PCNX2: variants seen among roughly 807,000 people sequenced by gnomAD.
PCNX2 encodes the protein pecanex-like protein 2.
PCNX2 carries 168 observed loss-of-function variants against 223.8 expected under a neutral mutation model. The observed-to-expected ratio is 0.75, with a 90% confidence interval of 0.66 to 0.85. PCNX2 has a LOEUF of 0.85. Ranked by LOEUF, PCNX2 falls within the 40% of genes least tolerant of loss-of-function variation. The pLI is 0.00. For synonymous variants in PCNX2, 1,006 were observed against 1,052.6 expected, an observed-to-expected ratio of 0.96 and a Z score of 0.86; for missense variants, 2,507 against 2,675.5, an observed-to-expected ratio of 0.94 and a Z score of 1.39.
At chr1:233,163,720 T>C (rs1678634035) in intron 17 of PCNX2, among the ~76,000 whole-genome samples, 1 of 152,178 alleles carries the variant, frequency 6.6e-6, no homozygotes, top group South Asian at 2.1e-4. Flanking sequence ...TAGCCTTGAC[T>C]TTCTGTCTTT....
At chr1:233,259,980 G>A (rs1434709510) in intron 4 of PCNX2, 2 of 314,420 alleles carry the variant, frequency 6.4e-6, no homozygotes, top group Non-Finnish European at 4.6e-6. Context: ...TATACAGGAG[G>A]ATGTGTGTAG....
intron 15 of PCNX2, among the ~76,000 whole-genome samples, chr1:233,189,535 T>C (rs987106088): frequency 6.6e-6 from 1 of 152,184 alleles, no homozygotes; most frequent in South Asian, 2.1e-4. Context: ...GGAATTGCAC[T>C]AGGAGGCATC....
intron 1 of PCNX2, among the ~76,000 whole-genome samples, chr1:233,269,441 A>C (rs2103008073): frequency 6.6e-6 from 1 of 152,332 alleles, no homozygotes; most frequent in African/African-American, 2.4e-5. Context: ...GAAAAAAGAA[A>C]ACGCACCCAT....
At chr1:233,232,597 T>C (rs1285477987) in intron 9 of PCNX2, among the ~76,000 whole-genome samples, 1 of 152,234 alleles carries the variant, frequency 6.6e-6, no homozygotes, top group African/African-American at 2.4e-5. Context: ...TGAATATGTA[T>C]GATGAAAAAT....
At chr1:233,092,603 G>T (rs537931233) in intron 22 of PCNX2, among the ~76,000 whole-genome samples, 1 of 152,052 alleles carries the variant, frequency 6.6e-6, no homozygotes, top group South Asian at 2.1e-4. Context: ...AGCACACTCT[G>T]GGCAAATATG....
At chr1:233,218,922 C>G (rs954896785) in intron 10 of PCNX2, among the ~76,000 whole-genome samples, 3 of 152,086 alleles carry the variant, frequency 2.0e-5, no homozygotes, top group Admixed American at 2.0e-4. Context: ...CCAGATAAAA[C>G]TTTTGGTGTC....
intron 15 of PCNX2, among the ~76,000 whole-genome samples, chr1:233,188,459 G>A (rs549189672): frequency 6.6e-6 from 1 of 152,112 alleles, no homozygotes; most frequent in East Asian, 1.9e-4. Context: ...CCCTTTTAAA[G>A]GGCTCTTCTG....
intron 19 of PCNX2, among the ~76,000 whole-genome samples, chr1:233,147,093 C>A (rs1677497543): frequency 6.6e-6 from 1 of 152,170 alleles, no homozygotes; most frequent in Admixed American, 6.5e-5. Context: ...AGATTCTAAC[C>A]ATCTGAACTA....
intron 21 of PCNX2, among the ~76,000 whole-genome samples, chr1:233,130,758 C>T (rs1287018464): frequency 6.6e-6 from 1 of 151,894 alleles, no homozygotes; most frequent in Non-Finnish European, 1.5e-5. Flanking sequence ...TCTGGGATTA[C>T]AGGTGTGTGC....
chr1:233,089,740 C>G (rs975791483), intron 23 of PCNX2: 6 of 417,290 alleles, frequency 1.4e-5, no homozygotes, highest in Middle Eastern at 8.9e-4. Flanking sequence ...CTTGGCATAT[C>G]AAAGGACATT....
chr1:233,302,867 A>G, the PCNX2 span, among the ~76,000 whole-genome samples: 1 of 152,180 alleles, frequency 6.6e-6, no homozygotes, highest in Non-Finnish European at 1.5e-5. Flanking sequence ...TTAATTCCAG[A>G]GAACATACTC....
intron 22 of PCNX2, among the ~76,000 whole-genome samples, chr1:233,093,967 C>T (rs538142445): frequency 6.6e-6 from 1 of 152,270 alleles, no homozygotes; most frequent in East Asian, 1.9e-4. Flanking sequence ...TCTTATAGGA[C>T]TTATTAAGTG....
At chr1:233,265,369 C>G (rs1049999173) in intron 1 of PCNX2, among the ~76,000 whole-genome samples, 4 of 152,198 alleles carry the variant, frequency 2.6e-5, no homozygotes, top group African/African-American at 9.7e-5. Context: ...ATCCTCTCCT[C>G]TTCATTTCCT....
the PCNX2 span, among the ~76,000 whole-genome samples, chr1:233,326,238 T>C: frequency 6.6e-6 from 1 of 152,254 alleles, no homozygotes; most frequent in Non-Finnish European, 1.5e-5. Flanking sequence ...TCACTTGCTT[T>C]ATTGCAGTGA....
At chr1:233,137,604 T>A (rs1676884630) in intron 20 of PCNX2, among the ~76,000 whole-genome samples, 1 of 152,224 alleles carries the variant, frequency 6.6e-6, no homozygotes, top group Non-Finnish European at 1.5e-5. Context: ...CAGTAAACTT[T>A]GTTTTATTTA....
At chr1:233,011,905 T>C (rs2102813071) in intron 28 of PCNX2, among the ~76,000 whole-genome samples, 2 of 152,292 alleles carry the variant, frequency 1.3e-5, no homozygotes, top group South Asian at 4.1e-4. Flanking sequence ...AGCAAATTCA[T>C]TGACCCCAAA....
In PCNX2 at chr1:233,001,689, A is replaced by G; in HGVS notation, c.4953-8T>C. 6.4e-7 allele frequency: 1 copy of G among 1,560,190 alleles called. No homozygotes were observed. Among genetic ancestry groups the G allele is most frequent in the South Asian group, 1.2e-5 (1 of 80,668 alleles). ...TACAGGAAAGAATCCAGGCTGCAAA[A>G]CAAAGTCCTATTACTATGGAACAAA... On this transcript the variant is annotated splice_region_variant and splice_polypyrimidine_tract_variant and intron_variant, in intron 28 of 33. Coordinates refer to ENST00000258229, the MANE Select transcript of PCNX2 (RefSeq NM_014801.4). This position sits in a 1 kb window ranked among gnomAD's most constrained non-coding sequence, Gnocchi z 4.2.
chr1:233,032,187 C>A (rs1671293618), intron 25 of PCNX2: 1 of 527,494 alleles, frequency 1.9e-6, no homozygotes, highest in Non-Finnish European at 2.4e-6. Context: ...ACCACAACCT[C>A]CGCCTCCCGG....
At chr1:233,311,347 G>C in the PCNX2 span, among the ~76,000 whole-genome samples, 1 of 152,230 alleles carries the variant, frequency 6.6e-6, no homozygotes, top group Non-Finnish European at 1.5e-5. Context: ...CCCAAGTTAT[G>C]AGGTGATCAA....
Sources: allele counts gnomAD v4.1 joint callset (sites outside exome capture counted in the v4.1 genomes callset), GRCh38; gene constraint gnomAD v4.1.1; non-coding constraint Gnocchi (gnomAD v3.1); transcripts MANE v1.5; gene names NCBI Gene and HGNC (gene_info 2026-07-23, HGNC 2026-07-21).